The following ADCY2 variants were observed in gnomAD, a reference collection of about 807,000 sequenced individuals.
The protein encoded by ADCY2 is adenylate cyclase type 2.
A neutral mutation model predicts 125.2 loss-of-function variants in ADCY2; 31 were observed. That is an observed-to-expected ratio of 0.25 (90% CI 0.19 to 0.33). ADCY2 has a LOEUF of 0.33. Ranked by LOEUF, ADCY2 falls within the 10% of genes least tolerant of loss-of-function variation. ADCY2 has a pLI of 1.00. For missense variants in ADCY2, 904 were observed against 1,418.2 expected (o/e 0.64, Z 5.82); for synonymous variants, 512 against 548.4 (o/e 0.93, Z 0.93).
At chr5:7,592,994 A>T (rs568254769) in intron 3 of ADCY2, among the ~76,000 whole-genome samples, 20 of 152,170 alleles carry the variant, frequency 1.3e-4, no homozygotes, top group Non-Finnish European at 2.6e-4. Context: ...TTGAGGTTTT[A>T]TGTTACTCAC....
At chr5:7,563,445 G>T (rs1368480338) in intron 3 of ADCY2, among the ~76,000 whole-genome samples, 4 of 152,204 alleles carry the variant, frequency 2.6e-5, no homozygotes, top group Admixed American at 6.5e-5. Flanking sequence ...GGGCTATGAA[G>T]GTCTGCTCCA....
chr5:7,415,069 A>G (rs1739886951), intron 2 of ADCY2, among the ~76,000 whole-genome samples: 5 of 152,200 alleles, frequency 3.3e-5, no homozygotes, highest in Admixed American at 3.3e-4. Context: ...TTGGATACAT[A>G]TGTGTTTAAT....
chr5:7,608,217 A>G (rs565971790), intron 3 of ADCY2, among the ~76,000 whole-genome samples: 5 of 152,328 alleles, frequency 3.3e-5, no homozygotes, highest in African/African-American at 7.2e-5. Context: ...AATTGTCTCT[A>G]TAGTAAGAAA....
chr5:7,536,847 A>T (rs1370909762), intron 3 of ADCY2, among the ~76,000 whole-genome samples: 1 of 152,074 alleles, frequency 6.6e-6, no homozygotes, highest in African/African-American at 2.4e-5. Context: ...TAGGGGAGGG[A>T]TAGCATTAGG....
intron 2 of ADCY2, among the ~76,000 whole-genome samples, chr5:7,453,733 C>G (rs899530174): frequency 6.6e-6 from 1 of 152,080 alleles, no homozygotes; most frequent in South Asian, 2.1e-4. Context: ...GTCCCTTCTC[C>G]CCTGATTCTT....
chr5:7,739,998 A>C (rs1168455173), intron 14 of ADCY2, among the ~76,000 whole-genome samples: 1 of 152,024 alleles, frequency 6.6e-6, no homozygotes, highest in East Asian at 1.9e-4. Context: ...AGATAGAAAG[A>C]ATTGGTCAAA....
intron 5 of ADCY2, chr5:7,692,224 G>T (rs10053728): frequency 6.6e-6 from 1 of 151,936 alleles, no homozygotes; most frequent in Non-Finnish European, 1.5e-5. Flanking sequence ...TTCAGGTCTA[G>T]GTTTTTTGAA....
At chr5:7,548,064 A>G (rs140920564) in intron 3 of ADCY2, among the ~76,000 whole-genome samples, 1 of 152,176 alleles carries the variant, frequency 6.6e-6, no homozygotes, top group South Asian at 2.1e-4. Flanking sequence ...TGCTGCTTCC[A>G]TTGACACCTG....
At chr5:7,596,280 C>G (rs1198612254) in intron 3 of ADCY2, among the ~76,000 whole-genome samples, 1 of 151,668 alleles carries the variant, frequency 6.6e-6, no homozygotes, top group Admixed American at 6.6e-5. Context: ...AAAACTCCCC[C>G]CCCCCACCAG....
In ADCY2 at chr5:7,761,148, C is replaced by CTT. The variant is rs367998018; in HGVS notation, c.2094+3580_2094+3581dup. Reference sequence around the variant, plus strand: ...ATCAAAATTTCTTTTCTTTTCTTTTCTTTTTTTTTTTTTTTTTTTGAGATG... The same window carrying CTT: ...ATCAAAATTTCTTTTCTTTTCTTTTCTTTTTTTTTTTTTTTTTTTTTGAGATG... On this transcript the variant is annotated intron_variant, in intron 16 of 24. Coordinates refer to ENST00000338316, the MANE Select transcript of ADCY2 (RefSeq NM_020546.3). Among the ~76,000 whole-genome samples the CTT allele has an allele frequency of 2.2e-3, 193 of 88,154 alleles. 27 individuals are homozygous for CTT. In the South Asian group the frequency reaches 0.04, roughly 18 times the overall value. The allele number at this position is 88,154 out of a possible 152,430, so 57.8% of individuals were successfully genotyped here. A position where few individuals can be genotyped will look rare whatever the true frequency, so the allele number is the denominator to read the frequency against.
At chr5:7,723,920 C>CAAAAAAAAAAAAAAAAA (rs70940756) in intron 12 of ADCY2, among the ~76,000 whole-genome samples, 7 of 53,716 alleles carry the variant, frequency 1.3e-4, no homozygotes, top group African/African-American at 6.2e-4. Flanking sequence ...GACTCAGTCT[C>CAAAAAAAAAAAAAAAAA]AAAAAAAAAA....
chr5:7,547,927 T>C (rs1404394901), intron 3 of ADCY2, among the ~76,000 whole-genome samples: 7 of 152,350 alleles, frequency 4.6e-5, no homozygotes, highest in Admixed American at 4.6e-4. Flanking sequence ...TTTCCTGTGC[T>C]CTGAGATTCA....
chr5:7,641,696 G>A (rs1195205987), intron 4 of ADCY2, among the ~76,000 whole-genome samples: 1 of 151,976 alleles, frequency 6.6e-6, no homozygotes, highest in Non-Finnish European at 1.5e-5. Context: ...CCCTCTAGTA[G>A]TCCCAGTGTC....
At chr5:7,673,533 G>A (rs1221474864) in intron 4 of ADCY2, among the ~76,000 whole-genome samples, 2 of 152,084 alleles carry the variant, frequency 1.3e-5, no homozygotes, top group African/African-American at 2.4e-5. Context: ...AGCACTGTGG[G>A]CATTGGAGTT....
intron 2 of ADCY2, among the ~76,000 whole-genome samples, chr5:7,494,482 C>T (rs1177712531): frequency 6.6e-6 from 1 of 152,120 alleles, no homozygotes; most frequent in Non-Finnish European, 1.5e-5. Context: ...CATTGTGCTT[C>T]TTGTAGTATT....
chr5:7,422,014 T>C (rs1428265031), intron 2 of ADCY2, among the ~76,000 whole-genome samples: 1 of 152,202 alleles, frequency 6.6e-6, no homozygotes, highest in African/African-American at 2.4e-5. Context: ...GCATGCTAGA[T>C]GTTGTTGATT....
At position 7,520,850 on chromosome 5, in the gene ADCY2, G is replaced by T. The variant is rs750856333; in HGVS notation, c.521G>T (p.Ser174Ile). 6.2e-7 allele frequency: 1 copy of T among 1,614,180 alleles called. No individual in the cohort carries two copies. Among genetic ancestry groups the T allele is most frequent in the Admixed American group, 1.7e-5 (1 of 60,032 alleles). ...TCCTCCTCCCACACCATCGTGCTTA[G>T]CGTCTGCCTGTCTGCAACACCGGGA... ...LTSSSHTIVL[S>I]VCLSATPGGK... Residue 174 changes from serine (S) to isoleucine (I), a missense_variant, in exon 3 of 25, where the codon AGC (serine) becomes ATC (isoleucine). This residue lies in a region of ADCY2 where 121 missense variants were observed against 161.5 expected (regional missense o/e 0.75). Transcript: ENST00000338316.
At position 7,828,854 on chromosome 5, in the gene ADCY2, G is replaced by A. The variant is rs75598880; in HGVS notation, c.*1983G>A. On this transcript the variant is annotated 3_prime_UTR_variant, in exon 25 of 25. Transcript: ENST00000338316. ...CTGTTACATCCTGCTACACTCATCC[G>A]CAGGTCACCTTAGTTCACCTACCCT... The A allele has an allele frequency of 0.022, 3,304 of 152,356 alleles. 48 individuals are homozygous for A. Among genetic ancestry groups the A allele is most frequent in the Middle Eastern group, 0.031 (9 of 294 alleles). 9.4% of individuals were successfully genotyped at this position (152,356 alleles called of 1,614,324 possible).
intron 3 of ADCY2, among the ~76,000 whole-genome samples, chr5:7,531,555 C>T (rs1448535840): frequency 6.6e-6 from 1 of 151,948 alleles, no homozygotes; most frequent in Non-Finnish European, 1.5e-5. Context: ...AGGGGTGGTT[C>T]CCTCTGGAGG....
Sources: gnomAD v4.1 joint callset for allele counts (sites outside exome capture counted in the v4.1 genomes callset) on GRCh38, gnomAD v4.1.1 for gene constraint, gnomAD v4.1.1 regional missense constraint, MANE v1.5 for transcripts, NCBI Gene and HGNC (gene_info 2026-07-23, HGNC 2026-07-21) for gene names.